DCC: variants seen among roughly 807,000 people sequenced by gnomAD.
DCC encodes the protein DCC netrin 1 receptor.
A neutral mutation model predicts 172.5 loss-of-function variants in DCC; 58 were observed. That is an observed-to-expected ratio of 0.34 (90% confidence interval 0.27 to 0.42). The LOEUF (loss-of-function observed/expected upper bound fraction) is 0.42, where lower values mean the gene tolerates loss of function less well. Ranked by LOEUF, DCC falls within the 10% of genes least tolerant of loss-of-function variation. The pLI is 1.00. For missense variants in DCC, 1,740 were observed against 1,791.0 expected, an observed-to-expected ratio of 0.97 and a Z score of 0.51; for synonymous variants, 709 against 644.5, an observed-to-expected ratio of 1.10 and a Z score of -1.52.
At chr18:52,477,285 C>T (rs1007292342) in intron 1 of DCC, among the ~76,000 whole-genome samples, 3 of 152,222 alleles carry the variant, frequency 2.0e-5, no homozygotes, top group South Asian at 2.1e-4. Context: ...TGTGGTTCAC[C>T]AAAGCCATCA....
At chr18:52,697,980 T>A (rs954190786) in intron 1 of DCC, among the ~76,000 whole-genome samples, 2 of 152,232 alleles carry the variant, frequency 1.3e-5, no homozygotes, top group African/African-American at 4.8e-5. Flanking sequence ...AGGTCACCTA[T>A]CTTACTCAGC....
intron 7 of DCC, among the ~76,000 whole-genome samples, chr18:53,120,888 T>A (rs1368149431): frequency 6.6e-6 from 1 of 151,838 alleles, no homozygotes; most frequent in Non-Finnish European, 1.5e-5. Context: ...TTAGGGCAAG[T>A]GTTACTCCAG....
At chr18:52,783,840 G>A (rs904573049) in intron 2 of DCC, among the ~76,000 whole-genome samples, 6 of 151,858 alleles carry the variant, frequency 4.0e-5, no homozygotes, top group African/African-American at 1.5e-4. Flanking sequence ...GCATATTTAT[G>A]GGGTACATAT....
At chr18:52,690,409 AGCATGCTTT>A (rs1482590497) in intron 1 of DCC, among the ~76,000 whole-genome samples, 3 of 152,148 alleles carry the variant, frequency 2.0e-5, no homozygotes, top group Non-Finnish European at 2.9e-5. Context: ...TTGAAAGATG[AGCATGCTTT>A]GCACAGGTAA....
In DCC at chr18:52,474,206, T is replaced by TAGAGAGAG. The variant is rs61277582; in HGVS notation, c.91+133358_91+133365dup. 4.1e-3 allele frequency among the ~76,000 whole-genome samples: 410 copies of TAGAGAGAG among 100,670 alleles called. 1 individual carries two copies. Among genetic ancestry groups the TAGAGAGAG allele is most frequent in the African/African-American group, 0.016 (382 of 24,206 alleles). The allele number at this position is 100,670 out of a possible 152,430, so 66.0% of individuals were successfully genotyped here. A position where few individuals can be genotyped will look rare whatever the true frequency, so the allele number is the denominator to read the frequency against. ...TTTCCATACATAATTGTAACAGACC[T>TAGAGAGAG]AGAGAGAGAGAGAGAGAGAGAGAGA... On this transcript the variant is annotated intron_variant, in intron 1 of 28. Transcript: ENST00000442544.
rs1365509210 is a variant in DCC at position 53,206,161 on chromosome 18, A to ATAATGTATAATATATG, written c.1722+799_1722+800insATGTATAATATATGTA. The stretch of plus-strand genomic sequence containing the variant: ...ATATATTATATATTATATAATACAT[A>ATAATGTATAATATATG]TATACATATACATATATAATACATA... On this transcript the variant is annotated intron_variant, in intron 10 of 28. Transcript: ENST00000442544. Among the ~76,000 whole-genome samples, 249 of 142,654 alleles carry ATAATGTATAATATATG rather than the reference A, an allele frequency of 1.7e-3. 2 individuals carry two copies. Among genetic ancestry groups the ATAATGTATAATATATG allele is most frequent in the African/African-American group, 5.0e-3 (198 of 39,384 alleles). 93.6% of individuals were successfully genotyped at this position (142,654 alleles called of 152,430 possible). A position where few individuals can be genotyped will look rare whatever the true frequency, so the allele number is the denominator to read the frequency against.
chr18:52,996,187 T>A (rs1299363144), intron 5 of DCC, among the ~76,000 whole-genome samples: 1 of 151,994 alleles, frequency 6.6e-6, no homozygotes, highest in Non-Finnish European at 1.5e-5. Flanking sequence ...GCATACACCA[T>A]ACAGTGCCAC....
intron 12 of DCC, among the ~76,000 whole-genome samples, chr18:53,265,069 G>A (rs1259035112): frequency 3.9e-5 from 6 of 152,146 alleles, no homozygotes; most frequent in African/African-American, 1.2e-4. Flanking sequence ...TTTGCTAGTA[G>A]GAAAGTAGCT....
chr18:52,398,030 C>G (rs1330157999), intron 1 of DCC, among the ~76,000 whole-genome samples: 1 of 151,942 alleles, frequency 6.6e-6, no homozygotes, highest in Non-Finnish European at 1.5e-5. Context: ...ATCAACAGCT[C>G]CTCACCTTGT....
intron 1 of DCC, among the ~76,000 whole-genome samples, chr18:52,677,028 G>GT (rs1323141174): frequency 6.6e-6 from 1 of 152,070 alleles, no homozygotes; most frequent in Non-Finnish European, 1.5e-5. Context: ...TCCTCTAATA[G>GT]TTTTTTAATG....
chr18:53,000,961 T>C (rs1275608976), intron 5 of DCC, among the ~76,000 whole-genome samples: 2 of 152,070 alleles, frequency 1.3e-5, no homozygotes, highest in Admixed American at 1.3e-4. Context: ...ATCGACTGCA[T>C]CTGTGTGATA....
intron 1 of DCC, among the ~76,000 whole-genome samples, chr18:52,374,115 A>T (rs1985246018): frequency 6.6e-6 from 1 of 151,558 alleles, no homozygotes; most frequent in Admixed American, 6.6e-5. Context: ...GATGGTCTCG[A>T]TCTCCTGACC....
chr18:53,127,513 C>T (rs928212659), intron 7 of DCC, among the ~76,000 whole-genome samples: 2 of 151,986 alleles, frequency 1.3e-5, no homozygotes, highest in Non-Finnish European at 2.9e-5. Flanking sequence ...GCAAATGTTG[C>T]CTATGGGAGG....
At chr18:53,425,203 A>G (rs62098272) in intron 21 of DCC, among the ~76,000 whole-genome samples, 70,216 of 150,846 alleles carry the variant, frequency 0.47, 17,338 homozygotes, top group Non-Finnish European at 0.56. Context: ...ACTATTTTTC[A>G]TTCTCTGCCA....
chr18:53,302,424 A>G (rs1181742945), intron 12 of DCC, among the ~76,000 whole-genome samples: 1 of 152,176 alleles, frequency 6.6e-6, no homozygotes, highest in Non-Finnish European at 1.5e-5. Context: ...AGTTTTGCCT[A>G]TTCTTTAACT....
At chr18:52,353,367 G>T (rs1394836709) in intron 1 of DCC, among the ~76,000 whole-genome samples, 1 of 151,990 alleles carries the variant, frequency 6.6e-6, no homozygotes, top group Non-Finnish European at 1.5e-5. Context: ...CCTTAAAAAT[G>T]CTCAGACCCA....
At chr18:53,259,144 TG>T (rs1443105867) in intron 12 of DCC, among the ~76,000 whole-genome samples, 1 of 152,208 alleles carries the variant, frequency 6.6e-6, no homozygotes, top group African/African-American at 2.4e-5. Context: ...AGCATACTGA[TG>T]GGTCTTGACT....
rs115769916 is a variant in DCC, at chr18:53,479,248, A to G, written c.3737-7549A>G. ...TACTAATCTGATCAATTCATTATCA[A>G]TATCAGTTTTTATTCTTTGAGTCTT... is the stretch of plus-strand genomic sequence containing the variant. On this transcript the variant is annotated intron_variant, in intron 25 of 28. Coordinates refer to ENST00000442544, the MANE Select transcript of DCC (RefSeq NM_005215.4). Among the ~76,000 whole-genome samples the G allele has an allele frequency of 9.3e-4, 141 of 152,356 alleles. 1 individual carries two copies. The highest frequency in any genetic ancestry group is 2.6e-3 in the Admixed American group (40 of 15,300).
chr18:53,420,618 G>T (rs895507781), intron 21 of DCC, among the ~76,000 whole-genome samples: 19 of 152,126 alleles, frequency 1.2e-4, no homozygotes, highest in African/African-American at 3.9e-4. Flanking sequence ...TCTTCCCGTG[G>T]TGGAGAGTGA....
Sources: allele counts gnomAD v4.1 joint callset (sites outside exome capture counted in the v4.1 genomes callset), GRCh38; gene constraint gnomAD v4.1.1; transcripts MANE v1.5; gene names NCBI Gene and HGNC (gene_info 2026-07-23, HGNC 2026-07-21).